SORT1: variants seen among roughly 807,000 people sequenced by gnomAD.
The protein encoded by SORT1 is sortilin 1, also known as sortilin.
SORT1 carries 39 observed loss-of-function variants against 101.7 expected under a neutral mutation model. That is an observed-to-expected ratio of 0.38 (90% CI 0.30 to 0.50). The LOEUF (loss-of-function observed/expected upper bound fraction) is 0.50, where lower values mean the gene tolerates loss of function less well. Ranked by LOEUF, SORT1 falls within the 20% of genes least tolerant of loss-of-function variation. The probability of loss-of-function intolerance (pLI) is 0.90; values close to 1 mark genes in which losing one functional copy is unlikely to be tolerated. For missense variants in SORT1, 878 were observed against 1,040.4 expected (o/e 0.84, Z 2.15); for synonymous variants, 396 against 393.7 (o/e 1.01, Z -0.07).
chr1:109,347,396 C>A, intron 7 of SORT1, 87 bp downstream of exon 7: 1 of 867,234 alleles, frequency 1.2e-6, no homozygotes, highest in Non-Finnish European at 1.9e-6. Context: ...ATGGAGGGAC[C>A]TTTTATGTTT....
intron 15 of SORT1, among the ~76,000 whole-genome samples, chr1:109,319,660 G>A (rs1357904838): frequency 6.6e-6 from 1 of 152,120 alleles, no homozygotes; most frequent in African/African-American, 2.4e-5. Flanking sequence ...GAAGTCAAGA[G>A]TTCAATACCA....
intron 10 of SORT1, among the ~76,000 whole-genome samples, chr1:109,339,806 T>C (rs1246436371): frequency 6.6e-6 from 1 of 152,148 alleles, no homozygotes; most frequent in African/African-American, 2.4e-5. Context: ...CAGCATTCAG[T>C]ATTCATAAGA....
intron 3 of SORT1, among the ~76,000 whole-genome samples, chr1:109,355,833 AG>A (rs1389596541): frequency 6.6e-6 from 1 of 152,016 alleles, no homozygotes; most frequent in African/African-American, 2.4e-5. Context: ...GTTCTCAATC[AG>A]GGTGCTTTTG....
chr1:109,397,633 CCG>C lies in SORT1; in HGVS notation c.258_259del (p.Cys86TrpfsTer20). On this transcript the variant is annotated frameshift_variant, in exon 1 of 20. Coordinates refer to ENST00000256637, the MANE Select transcript of SORT1 (RefSeq NM_002959.7). LOFTEE classifies it high-confidence loss of function. ...CTTGGCGACGAAGTCCCGGACCCGGCCGCACTCCTCGTCCTCGCCCGGCGCGC... is the reference window on the plus strand; with the variant it reads ...CTTGGCGACGAAGTCCCGGACCCGGCCACTCCTCGTCCTCGCCCGGCGCGC... 7.8e-7 allele frequency: 1 copy of C among 1,276,994 alleles called. No individual in the cohort carries two copies. Among genetic ancestry groups the C allele is most frequent in the South Asian group, 1.6e-5 (1 of 61,892 alleles). 79.1% of individuals were successfully genotyped at this position (1,276,994 alleles called of 1,614,324 possible). A position where few individuals can be genotyped will look rare whatever the true frequency, so the allele number is the denominator to read the frequency against.
At chr1:109,367,179 A>G in intron 3 of SORT1, 1 of 356,926 alleles carries the variant, frequency 2.8e-6, no homozygotes. Context: ...GTGAGCCAAG[A>G]TGACGCCACT....
chr1:109,340,691 G>C, intron 10 of SORT1, 33 bp downstream of exon 10: 1 of 1,611,474 alleles, frequency 6.2e-7, no homozygotes, highest in Non-Finnish European at 8.5e-7. Flanking sequence ...TGCAGCTGAA[G>C]GCACAGTACA....
At chr1:109,368,152 GGCGTGGTGGTGCTT>G (rs902766911) in intron 2 of SORT1, among the ~76,000 whole-genome samples, 2 of 152,020 alleles carry the variant, frequency 1.3e-5, no homozygotes, top group Admixed American at 1.3e-4. Flanking sequence ...AAATTAGCCG[GGCGTGGTGGTGCTT>G]GCCTGTAGTC....
At chr1:109,345,954 C>A in intron 7 of SORT1, 73 bp from the exon 8 acceptor site, 1 of 1,287,988 alleles carries the variant, frequency 7.8e-7, no homozygotes, top group Non-Finnish European at 1.1e-6. Context: ...GTTTTAGAAT[C>A]AATCTTAATT....
intron 1 of SORT1, among the ~76,000 whole-genome samples, chr1:109,376,908 G>GTTT (rs1651893636): frequency 1.3e-5 from 2 of 152,136 alleles, no homozygotes; most frequent in African/African-American, 4.8e-5. Flanking sequence ...AAAAGGAAAA[G>GTTT]TTCTGTGTTT....
intron 19 of SORT1, 27 bp from the exon 20 acceptor site, chr1:109,314,084 G>T: frequency 6.2e-7 from 1 of 1,613,790 alleles, no homozygotes; most frequent in South Asian, 1.1e-5. Flanking sequence ...CCATATTACC[G>T]ACAGACCACA....
intron 7 of SORT1, 66 bp from the exon 8 acceptor site, chr1:109,345,947 T>C (rs1570930669): frequency 1.5e-6 from 2 of 1,339,732 alleles, no homozygotes; most frequent in East Asian, 4.6e-5. Flanking sequence ...AGCAGTTGTT[T>C]TAGAATCAAT....
intron 19 of SORT1, 102 bp from the exon 20 acceptor site, chr1:109,314,159 G>T (rs533587597): frequency 6.4e-7 from 1 of 1,564,538 alleles, no homozygotes; most frequent in African/African-American, 1.4e-5. Context: ...TCATTAAGTC[G>T]CCTTGGCCCT....
At position 109,327,490 on chromosome 1, in the gene SORT1, G is replaced by T. The variant is rs369319621; in HGVS notation, c.1474+9C>A. The T allele has an allele frequency of 5.1e-6, 8 of 1,559,138 alleles. No individual in the cohort carries two copies. In the African/African-American group the frequency reaches 1.1e-4, roughly 21 times the overall value. On this transcript the variant is annotated intron_variant, in intron 12 of 19. Coordinates refer to ENST00000256637, the MANE Select transcript of SORT1 (RefSeq NM_002959.7). ...TCCAGTTGGAGGTGGTGAGTGGGAG[G>T]TTCCTTACCATGAGCAATGACAATG...
intron 1 of SORT1, among the ~76,000 whole-genome samples, chr1:109,375,441 G>C (rs1325963545): frequency 1.3e-5 from 2 of 149,054 alleles, no homozygotes; most frequent in Non-Finnish European, 3.0e-5. Flanking sequence ...TACGCGGGAG[G>C]CTGAGGCAGG....
Position 109,316,924 on chromosome 1 carries a change from C to T in SORT1, c.2176G>A (p.Gly726Arg). Residue 726 changes from glycine to arginine, a missense_variant, in exon 17 of 20, where the codon GGG becomes AGG. Coordinates refer to ENST00000256637, the MANE Select transcript of SORT1 (RefSeq NM_002959.7). ...TTTACTTCTCGAACTGGATTTACCC[C>T]ACCCTGGCATTTGTCCCCTGGAATT... ...RKIPGDKCQG[G>R]VNPVREVKDL... 1 of 1,610,726 alleles carries T rather than the reference C, an allele frequency of 6.2e-7. No homozygotes were observed. The highest frequency in any genetic ancestry group is 8.5e-7 in the Non-Finnish European group (1 of 1,178,718).
At chr1:109,380,562 A>C (rs778661897) in intron 1 of SORT1, among the ~76,000 whole-genome samples, 8 of 152,142 alleles carry the variant, frequency 5.3e-5, no homozygotes, top group Non-Finnish European at 1.2e-4. Flanking sequence ...TTTTCAAATC[A>C]GTAGGAAACA....
At chr1:109,327,190 C>G in intron 12 of SORT1, 30 bp from the exon 13 acceptor site, 8 of 1,552,290 alleles carry the variant, frequency 5.2e-6, no homozygotes, top group Non-Finnish European at 7.1e-6. Context: ...CTCATTAGCA[C>G]AAATAGGCAA....
At chr1:109,326,384 C>T (rs550262502) in intron 13 of SORT1, among the ~76,000 whole-genome samples, 200 of 136,544 alleles carry the variant, frequency 1.5e-3, no homozygotes, top group African/African-American at 5.4e-3. Flanking sequence ...CATTTTCAAT[C>T]TAGAGTGCTT....
At chr1:109,363,488 T>C (rs943352240) in intron 3 of SORT1, among the ~76,000 whole-genome samples, 7 of 152,146 alleles carry the variant, frequency 4.6e-5, no homozygotes, top group Non-Finnish European at 1.0e-4. Context: ...TACAGAAACA[T>C]ATGTATACAC....
Sources: allele counts gnomAD v4.1 joint callset (sites outside exome capture counted in the v4.1 genomes callset), GRCh38; gene constraint gnomAD v4.1.1; transcripts MANE v1.5; gene names NCBI Gene and HGNC (gene_info 2026-07-23, HGNC 2026-07-21).